IL17RD: variants seen among roughly 807,000 people sequenced by gnomAD.
IL17RD encodes the protein interleukin 17 receptor D.
Under a neutral mutation model 80.5 loss-of-function variants are expected in IL17RD, and 52 were observed. That is an observed-to-expected ratio of 0.65 (90% confidence interval 0.52 to 0.81). The LOEUF is 0.81. IL17RD is among the 40% of genes least tolerant of loss of function. The pLI, the probability that IL17RD is intolerant of heterozygous loss-of-function variation, is 0.00. For missense variants in IL17RD, 1,024 were observed against 955.1 expected, an observed-to-expected ratio of 1.07 and a Z score of -0.95; for synonymous variants, 416 against 391.8, an observed-to-expected ratio of 1.06 and a Z score of -0.73.
In IL17RD at chr3:57,101,034, G is replaced by A. The variant is rs76817998; in HGVS notation, c.1164+145C>T. The A allele has an allele frequency of 8.7e-4, 537 of 617,986 alleles. 1 individual carries two copies. The highest frequency in any genetic ancestry group is 1.8e-3 in the Admixed American group (60 of 33,984). The allele number at this position is 617,986 out of a possible 1,614,324, so 38.3% of individuals were successfully genotyped here. Reference sequence around the variant, plus strand: ...GTAAGACAGACTGAAAAAAGAGTGCGAGACTATCCCCAGTTTGAAAGCTGT... The same window carrying A: ...GTAAGACAGACTGAAAAAAGAGTGCAAGACTATCCCCAGTTTGAAAGCTGT... On this transcript the variant is annotated intron_variant, in intron 11 of 12. Transcript: ENST00000296318.
chr3:57,108,473 A>G (rs1316722880), intron 5 of IL17RD, among the ~76,000 whole-genome samples: 5 of 93,550 alleles, frequency 5.3e-5, no homozygotes, highest in Admixed American at 1.1e-4. Flanking sequence ...AGCCAGGCCA[A>G]TTTTTTTTCT....
intron 1 of IL17RD, among the ~76,000 whole-genome samples, chr3:57,153,187 A>G (rs535909844): frequency 4.6e-5 from 7 of 152,368 alleles, no homozygotes; most frequent in African/African-American, 1.7e-4. Flanking sequence ...AATGTGAAAC[A>G]CTGCATTTTT....
intron 1 of IL17RD, among the ~76,000 whole-genome samples, chr3:57,147,603 T>C (rs9823843): frequency 0.24 from 37,003 of 152,030 alleles, 5,555 homozygotes; most frequent in African/African-American, 0.39. Context: ...AAGATGTTCA[T>C]AGCAGCTTTG....
chr3:57,109,030 T>C (rs914856415), intron 5 of IL17RD, among the ~76,000 whole-genome samples: 6 of 152,248 alleles, frequency 3.9e-5, no homozygotes, highest in Admixed American at 3.9e-4. Context: ...GGAGTGGGTC[T>C]ATCCGGTTAG....
intron 8 of IL17RD, 84 bp from the exon 9 acceptor site, chr3:57,103,229 T>TATATATA (rs1706878452): frequency 3.2e-6 from 4 of 1,240,262 alleles, no homozygotes; most frequent in African/African-American, 1.5e-5. Flanking sequence ...TTCATTCATC[T>TATATATA]TTTCCATCAG....
intron 1 of IL17RD, among the ~76,000 whole-genome samples, chr3:57,123,270 G>A (rs999345679): frequency 6.6e-6 from 1 of 152,138 alleles, no homozygotes; most frequent in African/African-American, 2.4e-5. Flanking sequence ...TGACCTCAAG[G>A]GGCTCTGGCC....
In IL17RD at chr3:57,131,055, G is replaced by A. The variant is rs138786129; in HGVS notation, c.127-10742C>T. Among the ~76,000 whole-genome samples, 24 of 152,272 alleles carry A rather than the reference G, an allele frequency of 1.6e-4. No individual in the cohort carries two copies. In the East Asian group the frequency reaches 3.3e-3, roughly 21 times the overall value. ...CGGGGCCTCCCGGGGGGCAATCACC[G>A]GCTGACCGGGGCAAGGCATTAGACT... On this transcript the variant is annotated intron_variant, in intron 1 of 12. Coordinates refer to ENST00000296318, the MANE Select transcript of IL17RD (RefSeq NM_017563.5).
At chr3:57,145,006 A>C (rs1376502957) in intron 1 of IL17RD, among the ~76,000 whole-genome samples, 1 of 152,218 alleles carries the variant, frequency 6.6e-6, no homozygotes, top group Non-Finnish European at 1.5e-5. Flanking sequence ...AGAGGGTAAA[A>C]AATGAACGAC....
In IL17RD at chr3:57,097,630, G is replaced by C; in HGVS notation, c.2073C>G (p.Ser691=). The C allele has an allele frequency of 6.3e-7, 1 of 1,590,306 alleles. No homozygotes were observed. The highest frequency in any genetic ancestry group is 8.6e-7 in the Non-Finnish European group (1 of 1,168,860). ...GLSTDQTETS[S]LTESVSSSSG... is the part of the protein sequence containing the mutation. Reference sequence around the variant, plus strand: ...AAGAGGAGGACACGCTCTCCGTCAGGGAAGACGTTTCTGTCTGGTCCGTCG... The same window carrying C: ...AAGAGGAGGACACGCTCTCCGTCAGCGAAGACGTTTCTGTCTGGTCCGTCG... The change falls in exon 12 of 13, where the codon TCC becomes TCG. Residue 691 remains serine (S), a synonymous_variant. Transcript: ENST00000296318.
chr3:57,165,835 G>T (rs2060345703), upstream of IL17RD, among the ~76,000 whole-genome samples: 1 of 152,028 alleles, frequency 6.6e-6, no homozygotes, highest in Non-Finnish European at 1.5e-5. Context: ...TGGACAAAAG[G>T]CTTGCTGTCT....
intron 1 of IL17RD, among the ~76,000 whole-genome samples, chr3:57,130,680 G>A (rs150465934): frequency 3.3e-5 from 5 of 152,206 alleles, no homozygotes; most frequent in East Asian, 1.9e-4. Context: ...GGCCCTGCCC[G>A]GCCCAGGGGT....
chr3:57,096,870 G>C (rs998636610), intron 12 of IL17RD, among the ~76,000 whole-genome samples: 1 of 152,104 alleles, frequency 6.6e-6, no homozygotes, highest in Non-Finnish European at 1.5e-5. Flanking sequence ...ATTTAGCTGG[G>C]CATGGTGGCG....
chr3:57,162,361 C>T lies in IL17RD; in HGVS notation c.126+2800G>A, dbSNP rs116824498. On this transcript the variant is annotated intron_variant, in intron 1 of 12. Coordinates refer to ENST00000296318, the MANE Select transcript of IL17RD (RefSeq NM_017563.5). ...TCCTCTGATTTGCATCACATATAGT[C>T]GACCCTTATCCTTTTATGTTCCTAC... 2.7e-3 allele frequency among the ~76,000 whole-genome samples: 408 copies of T among 152,318 alleles called. 6 individuals are homozygous for T. Among genetic ancestry groups the T allele is most frequent in the African/African-American group, 9.3e-3 (387 of 41,570 alleles).
rs1706562081 is a variant in IL17RD at position 57,091,845 on chromosome 3, G to A, written c.*4548C>T. 1 of 152,232 alleles carries A rather than the reference G, an allele frequency of 6.6e-6. No homozygotes were observed. Among genetic ancestry groups the A allele is most frequent in the African/African-American group, 2.4e-5 (1 of 41,540 alleles). The allele number at this position is 152,232 out of a possible 1,614,324, so 9.4% of individuals were successfully genotyped here. A position where few individuals can be genotyped will look rare whatever the true frequency, so the allele number is the denominator to read the frequency against. ...CAGCCATATGTCTGGAATAATTCAG[G>A]CACAGCCCTGTCTGACACCAGGGGG... On this transcript the variant is annotated 3_prime_UTR_variant, in exon 13 of 13. Coordinates refer to ENST00000296318, the MANE Select transcript of IL17RD (RefSeq NM_017563.5).
At chr3:57,125,657 A>C (rs1707444359) in intron 1 of IL17RD, among the ~76,000 whole-genome samples, 1 of 152,198 alleles carries the variant, frequency 6.6e-6, no homozygotes, top group South Asian at 2.1e-4. Context: ...TGTCTTCTGC[A>C]TCCAGAACCT....
At chr3:57,155,160 A>G (rs930460277) in intron 1 of IL17RD, among the ~76,000 whole-genome samples, 4 of 152,258 alleles carry the variant, frequency 2.6e-5, no homozygotes, top group Non-Finnish European at 4.4e-5. Context: ...CCAGAGGGGA[A>G]CGAAGCAAAC....
intron 1 of IL17RD, among the ~76,000 whole-genome samples, chr3:57,124,007 C>T (rs1183624804): frequency 6.6e-6 from 1 of 152,110 alleles, no homozygotes; most frequent in Non-Finnish European, 1.5e-5. Flanking sequence ...ATCGCGCCAT[C>T]GTACTCCATC....
At chr3:57,147,091 C>T (rs953348486) in intron 1 of IL17RD, among the ~76,000 whole-genome samples, 1 of 151,202 alleles carries the variant, frequency 6.6e-6, no homozygotes, top group African/African-American at 2.4e-5. Flanking sequence ...TCCACCTTGG[C>T]CTCCCAAACT....
At chr3:57,136,568 T>C (rs530297557) in intron 1 of IL17RD, among the ~76,000 whole-genome samples, 1 of 150,450 alleles carries the variant, frequency 6.6e-6, no homozygotes, top group South Asian at 2.1e-4. Context: ...GATGCAGTGA[T>C]TGCACCACTG....
Sources: allele counts gnomAD v4.1 joint callset (sites outside exome capture counted in the v4.1 genomes callset), GRCh38; gene constraint gnomAD v4.1.1; transcripts MANE v1.5; gene names NCBI Gene and HGNC (gene_info 2026-07-23, HGNC 2026-07-21).